The following PARD6G variants were observed in gnomAD, a reference collection of about 807,000 sequenced individuals.
PARD6G encodes the protein par-6 family cell polarity regulator gamma.
Under a neutral mutation model 10.7 loss-of-function variants are expected in PARD6G, and 7 were observed. The ratio of observed to expected loss-of-function variants is 0.66; its 90% CI spans 0.37 to 1.23. PARD6G has a LOEUF of 1.23. Among genes scored for constraint, PARD6G ranks in the 50% most tolerant of loss-of-function variants. The pLI is 0.02. For missense variants in PARD6G, 548 were observed against 571.8 expected, an observed-to-expected ratio of 0.96 and a Z score of 0.42; for synonymous variants, 287 against 269.4, an observed-to-expected ratio of 1.07 and a Z score of -0.64.
At chr18:80,160,917 C>T (rs986581703) in intron 2 of PARD6G, among the ~76,000 whole-genome samples, 3 of 152,204 alleles carry the variant, frequency 2.0e-5, no homozygotes, top group Non-Finnish European at 4.4e-5. Context: ...GGAGGGCTGG[C>T]GAGTGCCTCA....
intron 1 of PARD6G, among the ~76,000 whole-genome samples, chr18:80,212,665 G>T (rs918118791): frequency 6.6e-6 from 1 of 151,986 alleles, no homozygotes; most frequent in Non-Finnish European, 1.5e-5. Flanking sequence ...GCGGGCGGAT[G>T]ATGAGGTCAG....
chr18:80,165,487 C>G (rs988618279), intron 2 of PARD6G, among the ~76,000 whole-genome samples: 2 of 152,178 alleles, frequency 1.3e-5, no homozygotes, highest in Non-Finnish European at 2.9e-5. Context: ...ACAATTTGTA[C>G]AGTTAACAAA....
chr18:80,203,285 T>G (rs923892134), intron 1 of PARD6G, among the ~76,000 whole-genome samples: 1 of 152,194 alleles, frequency 6.6e-6, no homozygotes, highest in Admixed American at 6.5e-5. Context: ...AAAGGACAAG[T>G]ATTTATTAAT....
At chr18:80,242,490 T>C (rs1052548803) in intron 1 of PARD6G, among the ~76,000 whole-genome samples, 3 of 152,170 alleles carry the variant, frequency 2.0e-5, no homozygotes, top group Non-Finnish European at 4.4e-5. Flanking sequence ...AGAGGAGATA[T>C]GCTAACACAA....
chr18:80,247,152 C>T lies in PARD6G; in HGVS notation c.72+125G>A. 1 of 633,894 alleles carries T rather than the reference C, an allele frequency of 1.6e-6. No individual in the cohort carries two copies. The highest frequency in any genetic ancestry group is 2.4e-6 in the Non-Finnish European group (1 of 415,548). 39.3% of individuals were successfully genotyped at this position (633,894 alleles called of 1,614,324 possible). A position where few individuals can be genotyped will look rare whatever the true frequency, so the allele number is the denominator to read the frequency against. On this transcript the variant is annotated intron_variant, in intron 1 of 2. Transcript: ENST00000353265. This position sits in a 1 kb window ranked among gnomAD's most constrained non-coding sequence, Gnocchi z 4.2. Reference sequence around the variant, plus strand: ...GCGTCCCGCGGAGCGGCGCGCGGCGCCCGAACTGGAAAGTTGTCGCCGGCG... The same window carrying T: ...GCGTCCCGCGGAGCGGCGCGCGGCGTCCGAACTGGAAAGTTGTCGCCGGCG...
At chr18:80,197,171 C>T (rs985873759) in intron 2 of PARD6G, among the ~76,000 whole-genome samples, 1 of 152,158 alleles carries the variant, frequency 6.6e-6, no homozygotes, top group Non-Finnish European at 1.5e-5. Context: ...TGAATTCTGA[C>T]GGCTTAACTG....
At chr18:80,205,804 G>A (rs1967048857) in intron 1 of PARD6G, among the ~76,000 whole-genome samples, 2 of 152,284 alleles carry the variant, frequency 1.3e-5, no homozygotes, top group South Asian at 2.1e-4. Flanking sequence ...AGCTATGTGA[G>A]AATGGACTAA....
At chr18:80,177,274 A>G (rs1225308790) in intron 2 of PARD6G, among the ~76,000 whole-genome samples, 24 of 144,588 alleles carry the variant, frequency 1.7e-4, no homozygotes, top group East Asian at 1.1e-3. Context: ...AATGGGAAGC[A>G]CACACACGCA....
intron 1 of PARD6G, among the ~76,000 whole-genome samples, chr18:80,244,979 A>AAGGC (rs1967529182): frequency 6.6e-6 from 1 of 152,166 alleles, no homozygotes; most frequent in Non-Finnish European, 1.5e-5. Context: ...CAAGTCCAGT[A>AAGGC]AGGCCCAGGT....
rs948398294 is a variant in PARD6G at position 80,231,909 on chromosome 18, T to C, written c.72+15368A>G. The stretch of plus-strand genomic sequence containing the variant: ...TGTATGGAGTTATAATAGCACAGGA[T>C]AGTAAGCCTGTTTTGGGCTCACACT... On this transcript the variant is annotated intron_variant, in intron 1 of 2. Transcript: ENST00000353265. The surrounding 1 kb of genome is among the most constrained non-coding windows in gnomAD (Gnocchi z 4.2). Among the ~76,000 whole-genome samples the C allele has an allele frequency of 6.6e-6, 1 of 152,116 alleles. No homozygotes were observed. The highest frequency in any genetic ancestry group is 2.4e-5 in the African/African-American group (1 of 41,436).
At chr18:80,212,833 C>T (rs556821663) in intron 1 of PARD6G, among the ~76,000 whole-genome samples, 46 of 151,840 alleles carry the variant, frequency 3.0e-4, no homozygotes, top group African/African-American at 1.0e-3. Flanking sequence ...TGCAGTGAGC[C>T]GAGATTGTGC....
At chr18:80,197,131 A>G (rs569886960) in intron 2 of PARD6G, among the ~76,000 whole-genome samples, 1 of 152,266 alleles carries the variant, frequency 6.6e-6, no homozygotes, top group African/African-American at 2.4e-5. Context: ...CCGAGGAAAG[A>G]GACTACAATG....
chr18:80,223,086 GACCTCT>G (rs1205521983), intron 1 of PARD6G, among the ~76,000 whole-genome samples: 1 of 152,142 alleles, frequency 6.6e-6, no homozygotes, highest in African/African-American at 2.4e-5. Flanking sequence ...AATAAAGCTG[GACCTCT>G]ACCTCATGCC....
intron 1 of PARD6G, among the ~76,000 whole-genome samples, chr18:80,219,014 A>C (rs945758923): frequency 2.0e-5 from 3 of 152,244 alleles, no homozygotes; most frequent in Admixed American, 1.3e-4. Flanking sequence ...ACAGCAGGGT[A>C]GCCCTGGACC....
chr18:80,241,085 C>T lies in PARD6G; in HGVS notation c.72+6192G>A, dbSNP rs1040381296. ...GTGATGCAAGAAAAATAGAACTTCT[C>T]CCCATAAAACACAAGACTAACCCTC... On this transcript the variant is annotated intron_variant, in intron 1 of 2. Coordinates refer to ENST00000353265, the MANE Select transcript of PARD6G (RefSeq NM_032510.4). 5.3e-5 allele frequency among the ~76,000 whole-genome samples: 8 copies of T among 152,276 alleles called. No individual in the cohort carries two copies. In the East Asian group the frequency reaches 1.5e-3, roughly 29 times the overall value.
chr18:80,234,475 G>A (rs894643609), intron 1 of PARD6G, among the ~76,000 whole-genome samples: 2 of 152,136 alleles, frequency 1.3e-5, no homozygotes, highest in African/African-American at 4.8e-5. Flanking sequence ...AAGGCCTCCA[G>A]GACCTACAAC....
At chr18:80,209,400 A>AC (rs1307532047) in intron 1 of PARD6G, among the ~76,000 whole-genome samples, 1 of 152,220 alleles carries the variant, frequency 6.6e-6, no homozygotes, top group African/African-American at 2.4e-5. Context: ...TTTGTAGTTG[A>AC]CCCCAACTAT....
At chr18:80,232,781 G>A (rs527547701) in intron 1 of PARD6G, among the ~76,000 whole-genome samples, 8 of 152,322 alleles carry the variant, frequency 5.3e-5, no homozygotes, top group African/African-American at 2.4e-5. Context: ...TTCATGGGCA[G>A]GATCAGAGGC....
intron 1 of PARD6G, among the ~76,000 whole-genome samples, chr18:80,241,280 C>T (rs1476085818): frequency 1.3e-5 from 2 of 152,108 alleles, no homozygotes; most frequent in Non-Finnish European, 2.9e-5. Context: ...TGGTGGTTCC[C>T]ACTCTAGACT....
Sources: gnomAD v4.1 joint callset for allele counts (sites outside exome capture counted in the v4.1 genomes callset) on GRCh38, gnomAD v4.1.1 for gene constraint, Gnocchi (gnomAD v3.1) non-coding constraint, MANE v1.5 for transcripts, NCBI Gene and HGNC (gene_info 2026-07-23, HGNC 2026-07-21) for gene names.